The following EIF5B variants were observed in gnomAD, a reference collection of about 807,000 sequenced individuals.
The protein encoded by EIF5B is eIF-5B.
A neutral mutation model predicts 147.5 loss-of-function variants in EIF5B; 47 were observed. The ratio of observed to expected loss-of-function variants is 0.32; its 90% CI spans 0.25 to 0.41. The LOEUF is 0.41. Ranked by LOEUF, EIF5B falls within the 10% of genes least tolerant of loss-of-function variation. The pLI is 1.00. For synonymous variants in EIF5B, 455 were observed against 456.2 expected, an observed-to-expected ratio of 1.00 and a Z score of 0.03; for missense variants, 1,064 against 1,413.2, an observed-to-expected ratio of 0.75 and a Z score of 3.96.
At chr2:99,384,263 T>C (rs1335571816) in intron 14 of EIF5B, among the ~76,000 whole-genome samples, 1 of 151,884 alleles carries the variant, frequency 6.6e-6, no homozygotes, top group Non-Finnish European at 1.5e-5. Context: ...ACCTGGATGA[T>C]AGCACGTCTA....
chr2:99,352,448 G>T (rs1673986654), intron 1 of EIF5B, among the ~76,000 whole-genome samples: 1 of 151,366 alleles, frequency 6.6e-6, no homozygotes, highest in South Asian at 2.1e-4. Flanking sequence ...ACCCGCTTTG[G>T]CTTCCCAAAG....
intron 1 of EIF5B, among the ~76,000 whole-genome samples, chr2:99,359,864 T>G (rs963254955): frequency 1.3e-5 from 2 of 152,224 alleles, no homozygotes; most frequent in African/African-American, 2.4e-5. Flanking sequence ...TATTTAGGTG[T>G]TGTTATTGAT....
chr2:99,364,475 A>G (rs1329146623), intron 6 of EIF5B, 54 bp downstream of exon 6: 16 of 1,467,178 alleles, frequency 1.1e-5, no homozygotes, highest in Non-Finnish European at 1.5e-5. Flanking sequence ...ACATGCAGTT[A>G]TATCCCTTAA....
At chr2:99,352,864 G>A (rs999301236) in intron 1 of EIF5B, among the ~76,000 whole-genome samples, 35 of 151,850 alleles carry the variant, frequency 2.3e-4, no homozygotes, top group African/African-American at 7.0e-4. Flanking sequence ...TCACTCTGTC[G>A]TTCAAGTTGG....
At chr2:99,365,377 T>A (rs1674304607) in intron 6 of EIF5B, among the ~76,000 whole-genome samples, 1 of 152,204 alleles carries the variant, frequency 6.6e-6, no homozygotes, top group South Asian at 2.1e-4. Flanking sequence ...CAACTTTTTC[T>A]TACGCATATG....
In EIF5B at chr2:99,361,316, G is replaced by A. The variant is rs1341666888; in HGVS notation, c.415G>A (p.Asp139Asn). 1 of 1,608,556 alleles carries A rather than the reference G, an allele frequency of 6.2e-7. No homozygotes were observed. The highest frequency in any genetic ancestry group is 2.2e-5 in the East Asian group (1 of 44,848). The change falls in exon 4 of 24, where the codon GAT becomes AAT. Residue 139 changes from aspartate to asparagine, a missense_variant. By Grantham distance (23) the Asp-to-Asn change is conservative (BLOSUM62 1). Coordinates refer to ENST00000289371, the MANE Select transcript of EIF5B (RefSeq NM_015904.4). ...AGTGGAAATGTACTCTGGGAGTGATGATGATGATGATTTTAACAAACTTCC... is the reference window on the plus strand; with the variant it reads ...AGTGGAAATGTACTCTGGGAGTGATAATGATGATGATTTTAACAAACTTCC... The part of the protein sequence containing the change: ...PKVEMYSGSD[D>N]DDDFNKLPKK...
At chr2:99,366,503 T>C (rs1316250649) in intron 6 of EIF5B, among the ~76,000 whole-genome samples, 2 of 152,134 alleles carry the variant, frequency 1.3e-5, no homozygotes, top group South Asian at 2.1e-4. Context: ...CTAGCCATTC[T>C]TCAGTACATG....
chr2:99,339,272 C>G (rs902495098), intron 1 of EIF5B, among the ~76,000 whole-genome samples: 3 of 151,920 alleles, frequency 2.0e-5, no homozygotes, highest in Non-Finnish European at 4.4e-5. Context: ...CTCGGCCTCC[C>G]AAAGTGCTGG....
intron 7 of EIF5B, among the ~76,000 whole-genome samples, chr2:99,368,871 G>A (rs1435002461): frequency 6.6e-6 from 1 of 152,118 alleles, no homozygotes; most frequent in African/African-American, 2.4e-5. Context: ...TCTTTTCTTG[G>A]TTTCCTTCTT....
intron 1 of EIF5B, among the ~76,000 whole-genome samples, chr2:99,355,665 T>G (rs1674081497): frequency 7.2e-6 from 1 of 139,736 alleles, no homozygotes; most frequent in Admixed American, 8.3e-5. Flanking sequence ...CAGGCTGGAG[T>G]GCAGTGGTGT....
intron 23 of EIF5B, 198 bp downstream of exon 23, chr2:99,399,107 A>C: frequency 1.2e-6 from 1 of 800,966 alleles, no homozygotes; most frequent in Non-Finnish European, 1.9e-6. Flanking sequence ...CAACAGAGAA[A>C]GCTAGGACTT....
At chr2:99,346,650 A>G (rs2094274035) in intron 1 of EIF5B, among the ~76,000 whole-genome samples, 1 of 123,944 alleles carries the variant, frequency 8.1e-6, no homozygotes, top group South Asian at 2.7e-4. Context: ...AGCTCACTGC[A>G]AGCTCCACCT....
rs753366364 is a variant in EIF5B at position 99,394,757 on chromosome 2, G to A, written c.3128G>A (p.Arg1043Gln). The change falls in exon 21 of 24, where the codon CGA becomes CAA. Residue 1043 changes from arginine (R) to glutamine (Q), a missense_variant. Transcript: ENST00000289371. ...VILAFDVRIE[R>Q]DAQEMADSLG... ...TTGGCCTTCGATGTGAGAATTGAAC[G>A]AGATGCACAAGAAATGGCTGATAGT... The A allele has an allele frequency of 3.1e-6, 5 of 1,612,736 alleles. No individual in the cohort carries two copies. Among genetic ancestry groups the A allele is most frequent in the Admixed American group, 3.3e-5 (2 of 59,702 alleles).
chr2:99,374,494 GT>G (rs1010001902), intron 9 of EIF5B, among the ~76,000 whole-genome samples: 2 of 151,814 alleles, frequency 1.3e-5, no homozygotes, highest in African/African-American at 4.8e-5. Context: ...ACACTTTAGA[GT>G]TTTTTTTAGT....
Position 99,353,282 on chromosome 2 carries a change from G to C in EIF5B, c.36-6954G>C, listed in dbSNP as rs574817302. ...CCAGCCTCGGCCTCCCAAAGTGCTGGGATTACAGGCGTGAGCCCCCGCGTC... is the reference window on the plus strand; with the variant it reads ...CCAGCCTCGGCCTCCCAAAGTGCTGCGATTACAGGCGTGAGCCCCCGCGTC... On this transcript the variant is annotated intron_variant, in intron 1 of 23. Coordinates refer to ENST00000289371, the MANE Select transcript of EIF5B (RefSeq NM_015904.4). 2.4e-4 allele frequency among the ~76,000 whole-genome samples: 37 copies of C among 152,070 alleles called. No individual in the cohort carries two copies. In the South Asian group the frequency reaches 7.7e-3, roughly 32 times the overall value.
chr2:99,348,255 G>A (rs925548088), intron 1 of EIF5B, among the ~76,000 whole-genome samples: 8 of 152,132 alleles, frequency 5.3e-5, no homozygotes, highest in South Asian at 2.1e-4. Context: ...AAGGAGTCAC[G>A]ACTTCATAAG....
At chr2:99,393,357 C>T (rs780807354) in intron 18 of EIF5B, among the ~76,000 whole-genome samples, 12 of 152,130 alleles carry the variant, frequency 7.9e-5, no homozygotes, top group East Asian at 1.9e-4. Flanking sequence ...AGCTAGAAGT[C>T]GGCTGGGCAT....
chr2:99,364,239 A>G (rs760301439), intron 5 of EIF5B, 32 bp from the exon 6 acceptor site: 5 of 1,543,314 alleles, frequency 3.2e-6, no homozygotes, highest in South Asian at 1.3e-5. Context: ...TTAAATGAAT[A>G]CAGGTTTTGT....
intron 13 of EIF5B, 42 bp from the exon 14 acceptor site, chr2:99,382,738 T>A: frequency 6.5e-7 from 1 of 1,541,110 alleles, no homozygotes; most frequent in Non-Finnish European, 8.7e-7. Flanking sequence ...AGTATTAATT[T>A]CAAGATTTTC....
Sources: gnomAD v4.1 joint callset for allele counts (sites outside exome capture counted in the v4.1 genomes callset) on GRCh38, gnomAD v4.1.1 for gene constraint, MANE v1.5 for transcripts, NCBI Gene and HGNC (gene_info 2026-07-23, HGNC 2026-07-21) for gene names.